NRXN1: variants seen among roughly 807,000 people sequenced by gnomAD.
NRXN1 encodes neurexin 1, also known as neurexin-1.
Under a neutral mutation model 150.9 loss-of-function variants are expected in NRXN1, and 39 were observed. The ratio of observed to expected loss-of-function variants is 0.26; its 90% CI spans 0.20 to 0.34. The LOEUF (loss-of-function observed/expected upper bound fraction) is 0.34, where lower values mean the gene tolerates loss of function less well. Among genes scored for constraint, NRXN1 ranks in the 10% least tolerant of loss-of-function variants. The pLI, the probability that NRXN1 is intolerant of heterozygous loss-of-function variation, is 1.00. For synonymous variants in NRXN1, 924 were observed against 757.0 expected (o/e 1.22, Z -3.62); for missense variants, 1,815 against 1,949.9 (o/e 0.93, Z 1.30).
intron 2 of NRXN1, chr2:50,979,364 A>T: frequency 2.2e-6 from 1 of 453,510 alleles, no homozygotes; most frequent in Non-Finnish European, 4.4e-6. Flanking sequence ...TTGTTTAACA[A>T]ATACCTTGGA....
intron 21 of NRXN1, among the ~76,000 whole-genome samples, chr2:49,961,315 C>T (rs755654696): frequency 2.7e-5 from 4 of 146,322 alleles, no homozygotes; most frequent in South Asian, 4.4e-4. Flanking sequence ...TGCCTGCGCA[C>T]GCATGCACAC....
intron 5 of NRXN1, among the ~76,000 whole-genome samples, chr2:50,663,479 T>C (rs574733528): frequency 2.6e-5 from 4 of 152,110 alleles, no homozygotes; most frequent in African/African-American, 4.8e-5. Flanking sequence ...CCTGACCCTA[T>C]GGAACCTTTA....
chr2:50,351,714 T>C (rs1273992015), intron 17 of NRXN1, among the ~76,000 whole-genome samples: 1 of 152,208 alleles, frequency 6.6e-6, no homozygotes, highest in Non-Finnish European at 1.5e-5. Flanking sequence ...TTAATTCATA[T>C]AATCATTACA....
intron 17 of NRXN1, among the ~76,000 whole-genome samples, chr2:50,324,023 A>G (rs573574309): frequency 6.6e-6 from 1 of 152,340 alleles, no homozygotes; most frequent in Non-Finnish European, 1.5e-5. Context: ...GTAAACATAT[A>G]AAGCTGGCCC....
chr2:50,710,126 T>C (rs1002842394), intron 5 of NRXN1, among the ~76,000 whole-genome samples: 5 of 152,182 alleles, frequency 3.3e-5, no homozygotes, highest in South Asian at 2.1e-4. Flanking sequence ...CAACTTTACA[T>C]TGTGGGTGAA....
At chr2:50,604,981 C>A (rs368395139) in intron 8 of NRXN1, among the ~76,000 whole-genome samples, 1 of 152,146 alleles carries the variant, frequency 6.6e-6, no homozygotes, top group African/African-American at 2.4e-5. Context: ...ACATAACTAG[C>A]ACCATTACAT....
intron 18 of NRXN1, among the ~76,000 whole-genome samples, chr2:50,099,485 C>G (rs1241286767): frequency 1.3e-5 from 2 of 152,034 alleles, no homozygotes; most frequent in African/African-American, 4.8e-5. Flanking sequence ...AATTTCAGAA[C>G]ATTTGCATCA....
chr2:51,013,307 G>A (rs1483644440), intron 2 of NRXN1, among the ~76,000 whole-genome samples: 1 of 152,052 alleles, frequency 6.6e-6, no homozygotes, highest in African/African-American at 2.4e-5. Context: ...TGCCCAGAGT[G>A]TATTCCAGGG....
chr2:50,923,671 T>C (rs1032289515), intron 3 of NRXN1: 1 of 155,148 alleles, frequency 6.4e-6, no homozygotes, highest in African/African-American at 2.4e-5. Context: ...TCCATGTATA[T>C]GTCTACAATA....
intron 8 of NRXN1, among the ~76,000 whole-genome samples, chr2:50,558,435 A>G (rs980400636): frequency 6.6e-6 from 1 of 152,188 alleles, no homozygotes; most frequent in African/African-American, 2.4e-5. Flanking sequence ...ATAACCTTTC[A>G]ATGAGTTACA....
chr2:50,801,738 G>A (rs1193310274), intron 5 of NRXN1, among the ~76,000 whole-genome samples: 2 of 152,196 alleles, frequency 1.3e-5, no homozygotes, highest in Admixed American at 6.5e-5. Flanking sequence ...ATTATTTCAA[G>A]GCTGGGTTTG....
At chr2:50,932,340 T>C (rs1218393301) in intron 2 of NRXN1, among the ~76,000 whole-genome samples, 1 of 151,994 alleles carries the variant, frequency 6.6e-6, no homozygotes, top group Non-Finnish European at 1.5e-5. Flanking sequence ...TCCATTTACA[T>C]GGAATATCTT....
At chr2:50,836,831 T>C (rs533049870) in intron 5 of NRXN1, among the ~76,000 whole-genome samples, 4 of 139,022 alleles carry the variant, frequency 2.9e-5, no homozygotes, top group Admixed American at 7.2e-5. Context: ...CAATAAAGCA[T>C]CATAATTGTA....
chr2:50,124,549 T>C (rs1704306717), intron 18 of NRXN1, among the ~76,000 whole-genome samples: 2 of 152,124 alleles, frequency 1.3e-5, no homozygotes, highest in South Asian at 2.1e-4. Flanking sequence ...TACAAATGCA[T>C]ACAGTTGTAT....
chr2:50,916,490 T>TA (rs139599557), intron 5 of NRXN1, among the ~76,000 whole-genome samples: 13,631 of 151,500 alleles, frequency 0.09, 681 homozygotes, highest in South Asian at 0.12. Context: ...AAATCTAGAT[T>TA]AAAAAAGTAC....
chr2:50,025,592 T>C (rs932645698), intron 21 of NRXN1, among the ~76,000 whole-genome samples: 18 of 152,224 alleles, frequency 1.2e-4, no homozygotes, highest in African/African-American at 4.3e-4. Flanking sequence ...AAGAAAAATA[T>C]GACAATGTCA....
intron 21 of NRXN1, among the ~76,000 whole-genome samples, chr2:49,949,257 GATGT>G (rs1039063521): frequency 3.3e-5 from 5 of 151,876 alleles, no homozygotes; most frequent in African/African-American, 1.2e-4. Context: ...GAGAAACACA[GATGT>G]ATGTTTGTTA....
chr2:50,661,962 A>G (rs1255297450), intron 5 of NRXN1, among the ~76,000 whole-genome samples: 2 of 152,036 alleles, frequency 1.3e-5, no homozygotes, highest in African/African-American at 4.8e-5. Flanking sequence ...AATTCCTCCT[A>G]TTTGTTATTT....
rs191231155 is a variant in NRXN1 at position 50,877,844 on chromosome 2, C to A, written c.832+44025G>T. On this transcript the variant is annotated intron_variant, in intron 5 of 22. Coordinates refer to ENST00000401669, the MANE Select transcript of NRXN1 (RefSeq NM_001330078.2). ...ATGCTCTGTGGGAAGAGTACAAAAA[C>A]ACAAAAACGTTAGAGAATTCTTTTC... Among the ~76,000 whole-genome samples the A allele has an allele frequency of 2.0e-3, 306 of 152,024 alleles. 2 individuals carry two copies. The highest frequency in any genetic ancestry group is 6.8e-3 in the African/African-American group (281 of 41,526).
Sources: gnomAD v4.1 joint callset for allele counts (sites outside exome capture counted in the v4.1 genomes callset) on GRCh38, gnomAD v4.1.1 for gene constraint, MANE v1.5 for transcripts, NCBI Gene and HGNC (gene_info 2026-07-23, HGNC 2026-07-21) for gene names.